The following SLC9A2 variants were observed in gnomAD, a reference collection of about 807,000 sequenced individuals.
SLC9A2 encodes the protein sodium/hydrogen exchanger 2.
Under a neutral mutation model 71.7 loss-of-function variants are expected in SLC9A2, and 42 were observed. The ratio of observed to expected loss-of-function variants is 0.59; its 90% CI spans 0.46 to 0.76. The LOEUF (loss-of-function observed/expected upper bound fraction) is 0.76. SLC9A2 is among the 30% of genes least tolerant of loss of function. The probability of loss-of-function intolerance (pLI) is 0.00; values close to 1 mark genes in which losing one functional copy is unlikely to be tolerated. For missense variants in SLC9A2, 829 were observed against 1,017.4 expected (o/e 0.81, Z 2.52); for synonymous variants, 396 against 392.5 (o/e 1.01, Z -0.10).
intron 7 of SLC9A2, among the ~76,000 whole-genome samples, chr2:102,695,801 T>TATATATATA (rs1677753695): frequency 1.3e-4 from 8 of 62,174 alleles, no homozygotes; most frequent in African/African-American, 5.1e-4. Flanking sequence ...ATATATATAT[T>TATATATATA]ATATATATAT....
At chr2:102,669,280 C>T (rs1285746048) in intron 3 of SLC9A2, among the ~76,000 whole-genome samples, 1 of 152,120 alleles carries the variant, frequency 6.6e-6, no homozygotes, top group Non-Finnish European at 1.5e-5. Flanking sequence ...TATTCCAAAA[C>T]CTAATTTAAT....
rs775383832 is a variant in SLC9A2, at chr2:102,620,019, T to C, written c.171T>C (p.Ala57=). Residue 57 remains alanine, a synonymous_variant, in exon 1 of 12, where the codon GCT becomes GCC. Transcript: ENST00000233969. ...CGCCTAGCCCTGCGAGCGTGGTGGC[T>C]CCCGGAACGACGCTGTTCGAGGAGA... ...SSPPSPASVV[A]PGTTLFEESR... 1 of 1,614,100 alleles carries C rather than the reference T, an allele frequency of 6.2e-7. No individual in the cohort carries two copies. The highest frequency in any genetic ancestry group is 1.1e-5 in the South Asian group (1 of 91,066).
At chr2:102,625,397 T>C (rs1293706463) in intron 1 of SLC9A2, among the ~76,000 whole-genome samples, 1 of 152,148 alleles carries the variant, frequency 6.6e-6, no homozygotes, top group African/African-American at 2.4e-5. Context: ...TGTATACATG[T>C]GCCATGTTGG....
chr2:102,655,079 A>G (rs942631424), intron 1 of SLC9A2, among the ~76,000 whole-genome samples: 9 of 152,236 alleles, frequency 5.9e-5, no homozygotes, highest in African/African-American at 2.2e-4. Context: ...TGTAGACTTC[A>G]TAAACACTGT....
At chr2:102,632,256 T>A (rs1676389874) in intron 1 of SLC9A2, among the ~76,000 whole-genome samples, 1 of 138,246 alleles carries the variant, frequency 7.2e-6, no homozygotes, top group Non-Finnish European at 1.5e-5. Context: ...ATATATATAT[T>A]TGCCCTATCT....
intron 5 of SLC9A2, among the ~76,000 whole-genome samples, chr2:102,692,105 T>A (rs913124615): frequency 1.3e-5 from 2 of 152,220 alleles, no homozygotes; most frequent in Non-Finnish European, 2.9e-5. Flanking sequence ...TTACACCCGT[T>A]TCATTTACAT....
intron 1 of SLC9A2, among the ~76,000 whole-genome samples, chr2:102,629,920 A>G (rs1676325969): frequency 6.6e-6 from 1 of 152,118 alleles, no homozygotes; most frequent in Non-Finnish European, 1.5e-5. Flanking sequence ...GCTGTTGTGT[A>G]AAGTAAATTA....
At chr2:102,679,188 G>C (rs1212665716) in intron 3 of SLC9A2, among the ~76,000 whole-genome samples, 2 of 152,096 alleles carry the variant, frequency 1.3e-5, no homozygotes, top group African/African-American at 4.8e-5. Context: ...TACCCACCCA[G>C]GGCGTTCTTT....
chr2:102,646,874 G>C (rs891683459), intron 1 of SLC9A2, among the ~76,000 whole-genome samples: 1 of 151,074 alleles, frequency 6.6e-6, no homozygotes. Flanking sequence ...ATAATAGTGG[G>C]AAACTTTAAT....
chr2:102,626,013 C>G (rs866738386), intron 1 of SLC9A2, among the ~76,000 whole-genome samples: 35 of 152,154 alleles, frequency 2.3e-4, no homozygotes, highest in African/African-American at 8.4e-4. Flanking sequence ...GATTGTCATT[C>G]TAACTGGTGT....
chr2:102,644,920 A>G (rs1035950643), intron 1 of SLC9A2, among the ~76,000 whole-genome samples: 1 of 152,230 alleles, frequency 6.6e-6, no homozygotes, highest in African/African-American at 2.4e-5. Flanking sequence ...AGAGAGCAGC[A>G]GATCTCCCAG....
chr2:102,624,364 G>C (rs1351213153), intron 1 of SLC9A2, among the ~76,000 whole-genome samples: 3 of 152,162 alleles, frequency 2.0e-5, no homozygotes, highest in Admixed American at 1.3e-4. Flanking sequence ...TACACACTTT[G>C]CTTGATAAAT....
intron 1 of SLC9A2, among the ~76,000 whole-genome samples, chr2:102,638,028 G>A (rs1676502156): frequency 6.6e-6 from 1 of 152,184 alleles, no homozygotes; most frequent in Non-Finnish European, 1.5e-5. Context: ...CAAAAGCCCA[G>A]TTTTGCTGAT....
At chr2:102,651,492 C>T (rs575880762) in intron 1 of SLC9A2, among the ~76,000 whole-genome samples, 1 of 152,318 alleles carries the variant, frequency 6.6e-6, no homozygotes, top group East Asian at 1.9e-4. Flanking sequence ...CTGGAAAGTT[C>T]TTTCACTATT....
At chr2:102,663,100 G>A (rs1466600007) in intron 2 of SLC9A2, among the ~76,000 whole-genome samples, 1 of 152,240 alleles carries the variant, frequency 6.6e-6, no homozygotes, top group Non-Finnish European at 1.5e-5. Flanking sequence ...GTGGCGTGTT[G>A]ATGCCGATGA....
intron 5 of SLC9A2, among the ~76,000 whole-genome samples, chr2:102,693,304 A>T (rs1160893178): frequency 1.3e-5 from 2 of 152,234 alleles, no homozygotes; most frequent in African/African-American, 4.8e-5. Context: ...GTACTTATAC[A>T]TCTAGCTCTT....
At chr2:102,640,045 CAAACTCTG>C (rs561381099) in intron 1 of SLC9A2, among the ~76,000 whole-genome samples, 11 of 152,310 alleles carry the variant, frequency 7.2e-5, no homozygotes, top group African/African-American at 2.4e-4. Flanking sequence ...AAGTGAGATA[CAAACTCTG>C]TAACTTTCTG....
At chr2:102,635,375 A>T (rs1292505777) in intron 1 of SLC9A2, among the ~76,000 whole-genome samples, 1 of 152,208 alleles carries the variant, frequency 6.6e-6, no homozygotes, top group Non-Finnish European at 1.5e-5. Flanking sequence ...TTCGCTCGTG[A>T]AGTTTCTGGA....
chr2:102,650,570 A>T (rs1454313034), intron 1 of SLC9A2, among the ~76,000 whole-genome samples: 1 of 152,172 alleles, frequency 6.6e-6, no homozygotes, highest in African/African-American at 2.4e-5. Flanking sequence ...CCTTCATGGA[A>T]TTTTCCACAG....
Sources: allele counts gnomAD v4.1 joint callset (sites outside exome capture counted in the v4.1 genomes callset), GRCh38; gene constraint gnomAD v4.1.1; transcripts MANE v1.5; gene names NCBI Gene and HGNC (gene_info 2026-07-23, HGNC 2026-07-21).